The following CLCN6 variants were observed in gnomAD, a reference collection of about 807,000 sequenced individuals.
CLCN6 encodes H(+)/Cl(-) exchange transporter 6.
A neutral mutation model predicts 109.8 loss-of-function variants in CLCN6; 70 were observed. That is an observed-to-expected ratio of 0.64 (90% CI 0.53 to 0.78). CLCN6 has a LOEUF of 0.78. CLCN6 is among the 30% of genes least tolerant of loss of function. The probability of loss-of-function intolerance (pLI) is 0.00; values close to 1 mark genes in which losing one functional copy is unlikely to be tolerated. For missense variants in CLCN6, 984 were observed against 1,142.3 expected (o/e 0.86, Z 2.00); for synonymous variants, 444 against 447.8 (o/e 0.99, Z 0.11).
In CLCN6 at chr1:11,815,882, C is replaced by T; in HGVS notation, c.184C>T (p.Leu62=). ...TGATCGCTGTATCAATGACCCTTAC[C>T]TGGAAGTTTTGGAGACCATGGATAA... ...DYDRCINDPY[L]EVLETMDNKK... Residue 62 remains leucine (L), a synonymous_variant, in exon 3 of 23, where the codon CTG becomes TTG. Transcript: ENST00000346436. 1 of 1,613,940 alleles carries T rather than the reference C, an allele frequency of 6.2e-7. No individual in the cohort carries two copies. Among genetic ancestry groups the T allele is most frequent in the Non-Finnish European group, 8.5e-7 (1 of 1,179,810 alleles).
At chr1:11,818,336 T>C (rs996064990) in intron 4 of CLCN6, among the ~76,000 whole-genome samples, 1 of 151,672 alleles carries the variant, frequency 6.6e-6, no homozygotes, top group Non-Finnish European at 1.5e-5. Flanking sequence ...GCTGACACGA[T>C]TCTCAGGAAA....
chr1:11,822,608 C>T, intron 5 of CLCN6, 87 bp from the exon 6 acceptor site: 1 of 789,654 alleles, frequency 1.3e-6, no homozygotes, highest in Admixed American at 2.1e-5. Context: ...CCAGCATGAT[C>T]CAAAGGAGAA....
intron 22 of CLCN6, among the ~76,000 whole-genome samples, chr1:11,839,452 C>T (rs1430282791): frequency 3.3e-5 from 5 of 152,126 alleles, no homozygotes; most frequent in Non-Finnish European, 5.9e-5. Flanking sequence ...GGTAGAGACA[C>T]GGTTTCGCCA....
rs190830749 is a variant in CLCN6 at position 11,828,938 on chromosome 1, A to C, written c.1122-258A>C. On this transcript the variant is annotated intron_variant, in intron 12 of 22. Transcript: ENST00000346436. Reference sequence around the variant, plus strand: ...CAGGAGGCTTCTCGCCCCAGGACTTATTATAATGGAAAGCCATTCATTCCT... The same window carrying C: ...CAGGAGGCTTCTCGCCCCAGGACTTCTTATAATGGAAAGCCATTCATTCCT... Among the ~76,000 whole-genome samples the C allele has an allele frequency of 3.3e-3, 504 of 152,098 alleles. 3 individuals are homozygous for C. Among genetic ancestry groups the C allele is most frequent in the African/African-American group, 0.011 (457 of 41,362 alleles).
chr1:11,822,499 T>A (rs909693328), intron 5 of CLCN6, among the ~76,000 whole-genome samples, 196 bp from the exon 6 acceptor site: 1 of 152,206 alleles, frequency 6.6e-6, no homozygotes, highest in South Asian at 2.1e-4. Flanking sequence ...TGCCTCAGCC[T>A]CCCAAAGTGT....
At position 11,836,003 on chromosome 1, in the gene CLCN6, C is replaced by A. The variant is rs764257817; in HGVS notation, c.1830C>A (p.Thr610=). The change falls in exon 18 of 23, where the codon ACC becomes ACA. Residue 610 remains threonine (T), a synonymous_variant. Transcript: ENST00000346436. ...RASDIMEPNL[T]YVYPHTRIQS... The stretch of plus-strand genomic sequence containing the variant: ...GCGACATCATGGAGCCCAACCTGAC[C>A]TACGTCTACCCGCACACCCGCATCC... The A allele has an allele frequency of 6.2e-7, 1 of 1,613,946 alleles. No individual in the cohort carries two copies. The highest frequency in any genetic ancestry group is 8.5e-7 in the Non-Finnish European group (1 of 1,179,964).
Position 11,816,627 on chromosome 1 carries a change from T to C in CLCN6, c.226T>C (p.Tyr76His). ...ETMDNKKGRR[Y>H]EAVKWMVVFA... ...CCTGTGTGAACAGAAAGGTCGAAGA[T>C]ATGAGGCGGTGAAGTGGATGGTGGT... The change falls in exon 4 of 23, where the codon TAT becomes CAT. Residue 76 changes from tyrosine to histidine, a missense_variant. Coordinates refer to ENST00000346436, the MANE Select transcript of CLCN6 (RefSeq NM_001286.5). 1 of 1,613,084 alleles carries C rather than the reference T, an allele frequency of 6.2e-7. No individual in the cohort carries two copies. Among genetic ancestry groups the C allele is most frequent in the Non-Finnish European group, 8.5e-7 (1 of 1,179,518 alleles).
intron 1 of CLCN6, 116 bp from the exon 2 acceptor site, chr1:11,807,015 T>C: frequency 2.2e-6 from 2 of 910,756 alleles, no homozygotes; most frequent in South Asian, 3.0e-5. Context: ...GGCTGGTTCC[T>C]ATTTGATAAT....
At position 11,824,832 on chromosome 1, in the gene CLCN6, C is replaced by T. The variant is rs546027713; in HGVS notation, c.648+279C>T. Reference sequence around the variant, plus strand: ...GGGTGCTTCCATAGCCATCACCAGGCGCCTCTATATAGGGTGGCTGGGTGG... The same window carrying T: ...GGGTGCTTCCATAGCCATCACCAGGTGCCTCTATATAGGGTGGCTGGGTGG... On this transcript the variant is annotated intron_variant, in intron 8 of 22. Transcript: ENST00000346436. Among the ~76,000 whole-genome samples the T allele has an allele frequency of 4.6e-5, 7 of 152,266 alleles. 1 individual carries two copies. Among genetic ancestry groups the T allele is most frequent in the African/African-American group, 1.7e-4 (7 of 41,560 alleles).
intron 5 of CLCN6, 74 bp from the exon 6 acceptor site, chr1:11,822,621 A>T: frequency 1.2e-6 from 1 of 864,682 alleles, no homozygotes; most frequent in East Asian, 2.4e-5. Flanking sequence ...AAGGAGAAGC[A>T]GCTGCACCCT....
chr1:11,820,627 C>T (rs1049653298), intron 5 of CLCN6: 14 of 363,620 alleles, frequency 3.9e-5, no homozygotes, highest in Admixed American at 8.2e-5. Context: ...ATTAGCTGGG[C>T]GTGGCGGTGT....
At chr1:11,819,387 G>A in intron 4 of CLCN6, 101 bp from the exon 5 acceptor site, 1 of 1,027,458 alleles carries the variant, frequency 9.7e-7, no homozygotes, top group Admixed American at 1.7e-5. Flanking sequence ...GCCTCCGTAT[G>A]TGCAGTGGGG....
Position 11,834,526 on chromosome 1 carries a change from G to A in CLCN6, c.1729G>A (p.Asp577Asn), listed in dbSNP as rs753909356. 9.9e-6 allele frequency: 16 copies of A among 1,614,048 alleles called. No homozygotes were observed. The highest frequency in any genetic ancestry group is 2.2e-5 in the East Asian group (1 of 44,898). ...TGDFFNKGIY[D>N]IHVGLRGVPL... is the part of the protein sequence containing the mutation. ...GGACTTTTTCAATAAGGGCATTTATGATATCCACGTGGGCCTGCGAGGCGT... is the reference window on the plus strand; with the variant it reads ...GGACTTTTTCAATAAGGGCATTTATAATATCCACGTGGGCCTGCGAGGCGT... The change falls in exon 17 of 23, where the codon GAT (aspartate) becomes AAT (asparagine). Residue 577 changes from aspartate (D) to asparagine (N), a missense_variant. Physicochemically the swap from Asp to Asn is conservative, Grantham distance 23. Coordinates refer to ENST00000346436, the MANE Select transcript of CLCN6 (RefSeq NM_001286.5). This position sits in a 1 kb window ranked among gnomAD's most constrained non-coding sequence, Gnocchi z 4.5.
intron 8 of CLCN6, 43 bp from the exon 9 acceptor site, chr1:11,826,113 A>T (rs769290242): frequency 7.0e-7 from 1 of 1,430,916 alleles, no homozygotes; most frequent in South Asian, 1.2e-5. Flanking sequence ...GTATTTGGTT[A>T]TATGAGTAGG....
In CLCN6 at chr1:11,829,395, T is replaced by C. The variant is rs1477455694; in HGVS notation, c.1248+73T>C. On this transcript the variant is annotated intron_variant, in intron 13 of 22. Transcript: ENST00000346436. The stretch of plus-strand genomic sequence containing the variant: ...TCCAGAAATGTATGACCTTCCTCTG[T>C]TGAGAACTAATAGATATGTTGGGTT... The C allele has an allele frequency of 3.8e-6, 6 of 1,561,484 alleles. No homozygotes were observed. In the African/African-American group the frequency reaches 4.1e-5, roughly 11 times the overall value.
In CLCN6 at chr1:11,830,783, T is replaced by C. The variant is rs1246196693; in HGVS notation, c.1248+1461T>C. On this transcript the variant is annotated intron_variant, in intron 13 of 22. Transcript: ENST00000346436. ...TATATATACACACACACACTATATA[T>C]ACACACACACACACACACACACACA... Among the ~76,000 whole-genome samples, 724 of 137,680 alleles carry C rather than the reference T, an allele frequency of 5.3e-3. 5 individuals carry two copies. The highest frequency in any genetic ancestry group is 0.015 in the African/African-American group (506 of 34,654). The allele number at this position is 137,680 out of a possible 152,430, so 90.3% of individuals were successfully genotyped here.
Position 11,834,076 on chromosome 1 carries a change from A to G in CLCN6, c.1526+46A>G, listed in dbSNP as rs41275494. 79,435 of 1,605,450 alleles carry G rather than the reference A, an allele frequency of 0.049. 2,226 individuals carry two copies. Among genetic ancestry groups the G allele is most frequent in the Non-Finnish European group, 0.054 (64,026 of 1,175,852 alleles). ...TGTGTGCGCATGTGCATGTGTGTGC[A>G]CGTGTGCGTGTGTATGCATGTGTGT... On this transcript the variant is annotated intron_variant, in intron 15 of 22. Transcript: ENST00000346436. The surrounding 1 kb of genome is among the most constrained non-coding windows in gnomAD (Gnocchi z 4.5).
intron 2 of CLCN6, among the ~76,000 whole-genome samples, chr1:11,815,630 G>A (rs1644659695): frequency 4.6e-5 from 7 of 152,132 alleles, no homozygotes; most frequent in Admixed American, 3.3e-4. Context: ...CCTGACCTCA[G>A]GTGATCCACC....
chr1:11,838,887 G>A, intron 22 of CLCN6: 2 of 727,676 alleles, frequency 2.7e-6, no homozygotes, highest in South Asian at 1.5e-5. Flanking sequence ...TCCAGCCAGA[G>A]CCGCGCCTCT....
Sources: allele counts gnomAD v4.1 joint callset (sites outside exome capture counted in the v4.1 genomes callset), GRCh38; gene constraint gnomAD v4.1.1; non-coding constraint Gnocchi (gnomAD v3.1); transcripts MANE v1.5; gene names NCBI Gene and HGNC (gene_info 2026-07-23, HGNC 2026-07-21).